Variants in CDYL2 observed in about 807,000 individuals in gnomAD.
The protein encoded by CDYL2 is chromodomain Y like 2.
In CDYL2, 23 loss-of-function variants were observed where a neutral mutation model predicts 49.4. The ratio of observed to expected loss-of-function variants is 0.47; its 90% CI spans 0.34 to 0.66. The LOEUF (loss-of-function observed/expected upper bound fraction) is 0.66. Among genes scored for constraint, CDYL2 ranks in the 30% least tolerant of loss-of-function variants. CDYL2 has a pLI of 0.01. For missense variants in CDYL2, 678 were observed against 656.4 expected, an observed-to-expected ratio of 1.03 and a Z score of -0.36; for synonymous variants, 360 against 268.8, an observed-to-expected ratio of 1.34 and a Z score of -3.32.
chr16:80,778,368 T>C (rs1197512975), intron 1 of CDYL2, among the ~76,000 whole-genome samples: 1 of 151,958 alleles, frequency 6.6e-6, no homozygotes, highest in Non-Finnish European at 1.5e-5. Context: ...GATGATATAA[T>C]TTAAGCATGA....
At chr16:80,744,706 C>G (rs1440283439) in intron 1 of CDYL2, among the ~76,000 whole-genome samples, 1 of 152,156 alleles carries the variant, frequency 6.6e-6, no homozygotes, top group Non-Finnish European at 1.5e-5. Flanking sequence ...GGGGTCTCCA[C>G]CAAACTAAGG....
intron 2 of CDYL2, among the ~76,000 whole-genome samples, chr16:80,678,430 C>T (rs919157622): frequency 7.2e-5 from 11 of 152,142 alleles, no homozygotes; most frequent in African/African-American, 2.2e-4. Context: ...AAACAAACAA[C>T]CCCATCAAAA....
At chr16:80,733,799 G>A (rs1284505387) in intron 1 of CDYL2, among the ~76,000 whole-genome samples, 1 of 152,096 alleles carries the variant, frequency 6.6e-6, no homozygotes, top group Non-Finnish European at 1.5e-5. Flanking sequence ...CTATTGCAAT[G>A]GCTCCCAACT....
chr16:80,760,443 CAAT>C (rs1459196382), intron 1 of CDYL2, among the ~76,000 whole-genome samples: 2 of 152,064 alleles, frequency 1.3e-5, no homozygotes, highest in Non-Finnish European at 2.9e-5. Flanking sequence ...TGACTATAGT[CAAT>C]AATAACGTAA....
chr16:80,663,258 C>T (rs1057249474), intron 2 of CDYL2, among the ~76,000 whole-genome samples: 10 of 151,220 alleles, frequency 6.6e-5, no homozygotes, highest in African/African-American at 1.9e-4. Flanking sequence ...TTGAGCACTT[C>T]CGGTCATCAA....
At chr16:80,753,775 C>T (rs1906216821) in intron 1 of CDYL2, among the ~76,000 whole-genome samples, 1 of 152,130 alleles carries the variant, frequency 6.6e-6, no homozygotes, top group Non-Finnish European at 1.5e-5. Flanking sequence ...AAGGAAAAGA[C>T]AGATAAACTA....
intron 2 of CDYL2, among the ~76,000 whole-genome samples, chr16:80,678,328 C>T (rs368915788): frequency 3.3e-5 from 5 of 151,984 alleles, no homozygotes; most frequent in Non-Finnish European, 5.9e-5. Flanking sequence ...ACAGGCAACC[C>T]ACAAAATGGG....
intron 4 of CDYL2, among the ~76,000 whole-genome samples, chr16:80,617,833 C>T (rs1906899813): frequency 6.6e-6 from 1 of 152,186 alleles, no homozygotes; most frequent in Admixed American, 6.5e-5. Context: ...TCTTAGTGCT[C>T]TCAATCAGTG....
At chr16:80,611,853 A>G (rs1367473162) in intron 5 of CDYL2, among the ~76,000 whole-genome samples, 5 of 152,160 alleles carry the variant, frequency 3.3e-5, no homozygotes, top group Admixed American at 2.6e-4. Context: ...TTGCTTCTGG[A>G]TGTTGGTGCA....
chr16:80,737,985 A>T (rs1905596575), intron 1 of CDYL2, among the ~76,000 whole-genome samples: 1 of 152,010 alleles, frequency 6.6e-6, no homozygotes, highest in South Asian at 2.1e-4. Context: ...TGTCATCTAC[A>T]TTGGGCATTT....
chr16:80,685,159 C>G (rs1339769232), intron 1 of CDYL2, 30 bp from the exon 2 acceptor site: 1 of 1,555,868 alleles, frequency 6.4e-7, no homozygotes, highest in Admixed American at 1.7e-5. Context: ...GGTCAGAAAA[C>G]AGAGAGAGAG....
At chr16:80,670,980 T>C (rs1427962897) in intron 2 of CDYL2, 1 of 455,928 alleles carries the variant, frequency 2.2e-6, no homozygotes, top group African/African-American at 2.0e-5. Context: ...GAAGGCTGCC[T>C]CAGGATTTTG....
chr16:80,669,348 C>G (rs1185410841), intron 2 of CDYL2, among the ~76,000 whole-genome samples: 1 of 152,068 alleles, frequency 6.6e-6, no homozygotes, highest in African/African-American at 2.4e-5. Context: ...AGAGGCCCCA[C>G]GGACCATGGA....
intron 1 of CDYL2, among the ~76,000 whole-genome samples, chr16:80,686,136 G>C (rs763859524): frequency 1.3e-5 from 2 of 152,306 alleles, no homozygotes; most frequent in Non-Finnish European, 2.9e-5. Flanking sequence ...ACCTTTATGT[G>C]TCAGGCCCTA....
intron 1 of CDYL2, among the ~76,000 whole-genome samples, chr16:80,779,881 G>A (rs1907207032): frequency 6.6e-6 from 1 of 152,002 alleles, no homozygotes; most frequent in Admixed American, 6.5e-5. Context: ...TGTGTTTTCT[G>A]TATTTTCTAT....
At chr16:80,623,683 G>A (rs1476064071) in intron 3 of CDYL2, among the ~76,000 whole-genome samples, 1 of 152,190 alleles carries the variant, frequency 6.6e-6, no homozygotes, top group Admixed American at 6.5e-5. Context: ...GGAGTCACTT[G>A]TTGAAGCTCC....
At chr16:80,726,690 G>C (rs1354437565) in intron 1 of CDYL2, among the ~76,000 whole-genome samples, 1 of 152,168 alleles carries the variant, frequency 6.6e-6, no homozygotes, top group African/African-American at 2.4e-5. Context: ...AAAAATGTTT[G>C]ACTCTAGGGT....
chr16:80,769,316 T>C (rs942838263), intron 1 of CDYL2, among the ~76,000 whole-genome samples: 7 of 152,194 alleles, frequency 4.6e-5, no homozygotes, highest in African/African-American at 1.7e-4. Context: ...AGTAAAAGCA[T>C]GAGTTAATGG....
intron 1 of CDYL2, among the ~76,000 whole-genome samples, chr16:80,750,002 A>T (rs535176749): frequency 6.6e-6 from 1 of 151,540 alleles, no homozygotes. Context: ...ACCAAACACC[A>T]CATGTTCTCA....
Sources: allele counts gnomAD v4.1 joint callset (sites outside exome capture counted in the v4.1 genomes callset), GRCh38; gene constraint gnomAD v4.1.1; transcripts MANE v1.5; gene names NCBI Gene and HGNC (gene_info 2026-07-23, HGNC 2026-07-21).